Variants in GRID1 observed in about 807,000 individuals in gnomAD.
GRID1 encodes glutamate receptor ionotropic, delta-1.
A neutral mutation model predicts 98.0 loss-of-function variants in GRID1; 28 were observed. The observed-to-expected ratio is 0.29, with a 90% CI of 0.21 to 0.39. The LOEUF (loss-of-function observed/expected upper bound fraction) is 0.39, where lower values mean the gene tolerates loss of function less well. GRID1 is among the 10% of genes least tolerant of loss of function. The pLI, the probability that GRID1 is intolerant of heterozygous loss-of-function variation, is 1.00. For synonymous variants in GRID1, 553 were observed against 538.5 expected, an observed-to-expected ratio of 1.03 and a Z score of -0.37; for missense variants, 1,111 against 1,340.5, an observed-to-expected ratio of 0.83 and a Z score of 2.67.
At chr10:85,732,749 T>G (rs1028832010) in intron 8 of GRID1, among the ~76,000 whole-genome samples, 2 of 152,190 alleles carry the variant, frequency 1.3e-5, no homozygotes, top group Non-Finnish European at 2.9e-5. Flanking sequence ...TAAAATATTC[T>G]AATGAATTCC....
In GRID1 at chr10:85,727,922, T is replaced by C. The variant is rs1841780097; in HGVS notation, c.1466A>G (p.Asp489Gly). 13 of 1,613,944 alleles carry C rather than the reference T, an allele frequency of 8.1e-6. No homozygotes were observed. Among genetic ancestry groups the C allele is most frequent in the Non-Finnish European group, 1.0e-5 (12 of 1,179,892 alleles). The change falls in exon 10 of 16, where the codon GAT becomes GGT. Residue 489 changes from aspartate to glycine, a missense_variant. Asp to Gly is a moderately conservative substitution (Grantham distance 94). Around this residue, in one of 3 missense-constraint regions of GRID1, gnomAD observed 762 missense variants for 869.1 expected, o/e 0.88. Transcript: ENST00000327946. Reference protein sequence around the residue: ...GFKYEIYQAPDGRYGHQLHNT... With the variant: ...GFKYEIYQAPGGRYGHQLHNT... Reference sequence around the variant, plus strand: ...ATGGAGCTGGTGACCGTACCTGCCATCAGGGGCTTGGTAAATCTCATATTT... The same window carrying C: ...ATGGAGCTGGTGACCGTACCTGCCACCAGGGGCTTGGTAAATCTCATATTT...
At chr10:86,017,815 G>C (rs1842998894) in intron 4 of GRID1, among the ~76,000 whole-genome samples, 2 of 152,236 alleles carry the variant, frequency 1.3e-5, no homozygotes, top group South Asian at 4.1e-4. Context: ...GTAGGAAAGA[G>C]AAGGAAGATT....
chr10:85,724,215 G>A (rs897578512), intron 11 of GRID1, 137 bp downstream of exon 11: 4 of 599,694 alleles, frequency 6.7e-6, no homozygotes, highest in Non-Finnish European at 8.6e-6. Flanking sequence ...GGTGCAGCAT[G>A]ACATTTGTAC....
chr10:86,304,912 G>A (rs763631679), intron 2 of GRID1, among the ~76,000 whole-genome samples: 6 of 152,098 alleles, frequency 3.9e-5, no homozygotes, highest in Admixed American at 1.3e-4. Flanking sequence ...TCTGGGTGGC[G>A]TTGTCCCTGT....
At chr10:86,323,080 G>C (rs1444373512) in intron 2 of GRID1, among the ~76,000 whole-genome samples, 2 of 152,182 alleles carry the variant, frequency 1.3e-5, no homozygotes, top group African/African-American at 4.8e-5. Flanking sequence ...CTGGGTTACA[G>C]AGCAAGACTC....
rs1313592689 is a variant in GRID1 at position 86,178,289 on chromosome 10, T to C, written c.520+28075A>G. On this transcript the variant is annotated intron_variant, in intron 3 of 15. Coordinates refer to ENST00000327946, the MANE Select transcript of GRID1 (RefSeq NM_017551.3). ...TTTTTTTTCTTACGTTTTATATCCA[T>C]CGTGCCCTTCTTTTGGACACAGCCC... Among the ~76,000 whole-genome samples, 5 of 152,250 alleles carry C rather than the reference T, an allele frequency of 3.3e-5. No individual in the cohort carries two copies. The East Asian group carries it at 5.8e-4, about 18-fold the overall frequency.
At chr10:85,900,809 G>A (rs1407254609) in intron 5 of GRID1, among the ~76,000 whole-genome samples, 1 of 152,200 alleles carries the variant, frequency 6.6e-6, no homozygotes, top group Non-Finnish European at 1.5e-5. Flanking sequence ...CAGGTGTTCA[G>A]TACATGTATG....
intron 4 of GRID1, among the ~76,000 whole-genome samples, chr10:86,068,438 G>T (rs919035126): frequency 2.6e-5 from 4 of 152,068 alleles, no homozygotes; most frequent in Non-Finnish European, 5.9e-5. Flanking sequence ...TGCGTTCCTC[G>T]CCATCCCCAA....
chr10:86,163,338 A>C (rs1845349355), intron 3 of GRID1, among the ~76,000 whole-genome samples: 1 of 151,830 alleles, frequency 6.6e-6, no homozygotes, highest in South Asian at 2.1e-4. Flanking sequence ...TAGCAGAGAC[A>C]GAGCTAGGGG....
At chr10:86,140,508 C>T (rs1844995664) in intron 3 of GRID1, among the ~76,000 whole-genome samples, 1 of 152,240 alleles carries the variant, frequency 6.6e-6, no homozygotes, top group African/African-American at 2.4e-5. Context: ...GACAGGCTCA[C>T]CACTAAGCGT....
chr10:86,127,795 C>G (rs1324379239), intron 4 of GRID1, among the ~76,000 whole-genome samples: 2 of 152,192 alleles, frequency 1.3e-5, no homozygotes, highest in African/African-American at 4.8e-5. Context: ...CTGGCCACAG[C>G]TCCCCATCTC....
chr10:85,890,849 G>A (rs960381052), intron 5 of GRID1, among the ~76,000 whole-genome samples: 1 of 152,122 alleles, frequency 6.6e-6, no homozygotes, highest in Admixed American at 6.5e-5. Flanking sequence ...TACACAAAAA[G>A]TGAACCTCAA....
intron 5 of GRID1, among the ~76,000 whole-genome samples, chr10:85,876,996 C>T (rs894902164): frequency 4.6e-5 from 7 of 152,188 alleles, no homozygotes; most frequent in African/African-American, 1.7e-4. Flanking sequence ...CACGGAGTCT[C>T]GCTGATTGCT....
chr10:86,357,254 A>G (rs992447876), intron 2 of GRID1, among the ~76,000 whole-genome samples: 2 of 152,216 alleles, frequency 1.3e-5, no homozygotes, highest in African/African-American at 4.8e-5. Flanking sequence ...CCTAGCTGAG[A>G]TGTTGGACAC....
intron 8 of GRID1, among the ~76,000 whole-genome samples, chr10:85,808,819 A>C (rs1431851908): frequency 6.6e-6 from 1 of 152,190 alleles, no homozygotes; most frequent in Non-Finnish European, 1.5e-5. Flanking sequence ...TGTCCAGGAA[A>C]CGTAAAAATG....
chr10:85,912,608 A>G (rs1212262227), intron 5 of GRID1, among the ~76,000 whole-genome samples: 8 of 152,224 alleles, frequency 5.3e-5, no homozygotes, highest in Non-Finnish European at 7.3e-5. Flanking sequence ...GCACAGCTGG[A>G]GGGCCATGCT....
rs73334789 is a variant in GRID1, at chr10:85,844,554, C to T, written c.1233+9942G>A. Among the ~76,000 whole-genome samples the T allele has an allele frequency of 5.7e-3, 870 of 151,848 alleles. 8 individuals carry two copies. Among genetic ancestry groups the T allele is most frequent in the African/African-American group, 0.02 (815 of 41,422 alleles). ...TTATTGTGTTATTGCATAACAGTAT[C>T]GCAAGATGTTATCATTGGGGAAACT... On this transcript the variant is annotated intron_variant, in intron 8 of 15. Transcript: ENST00000327946.
intron 4 of GRID1, among the ~76,000 whole-genome samples, chr10:86,098,454 A>T (rs1347052441): frequency 6.6e-6 from 1 of 152,150 alleles, no homozygotes; most frequent in Admixed American, 6.6e-5. Context: ...CACCCCTAAC[A>T]TTGGCTCCTT....
intron 4 of GRID1, among the ~76,000 whole-genome samples, chr10:86,068,821 T>C (rs1167788574): frequency 6.6e-6 from 1 of 152,174 alleles, no homozygotes. Context: ...CACCCCTTTG[T>C]AGGTATTAAT....
Sources: gnomAD v4.1 joint callset for allele counts (sites outside exome capture counted in the v4.1 genomes callset) on GRCh38, gnomAD v4.1.1 for gene constraint, gnomAD v4.1.1 regional missense constraint, MANE v1.5 for transcripts, NCBI Gene and HGNC (gene_info 2026-07-23, HGNC 2026-07-21) for gene names.